Variants in KCND2 observed in about 807,000 individuals in gnomAD.
KCND2 encodes A-type voltage-gated potassium channel KCND2.
In KCND2, 16 loss-of-function variants were observed where a neutral mutation model predicts 54.4. The ratio of observed to expected loss-of-function variants is 0.29; its 90% CI spans 0.20 to 0.45. The LOEUF (loss-of-function observed/expected upper bound fraction) is 0.45. KCND2 is among the 20% of genes least tolerant of loss of function. The pLI, the probability that KCND2 is intolerant of heterozygous loss-of-function variation, is 1.00. For synonymous variants in KCND2, 317 were observed against 310.7 expected (o/e 1.02, Z -0.21); for missense variants, 486 against 824.2 (o/e 0.59, Z 5.02).
chr7:120,536,945 A>T (rs1431560180), intron 1 of KCND2, among the ~76,000 whole-genome samples: 4 of 152,120 alleles, frequency 2.6e-5, no homozygotes, highest in African/African-American at 9.7e-5. Flanking sequence ...CTTCTTTTAA[A>T]TTCCTGATAA....
chr7:120,384,495 A>G (rs909923704), intron 1 of KCND2, among the ~76,000 whole-genome samples: 4 of 152,154 alleles, frequency 2.6e-5, no homozygotes, highest in African/African-American at 9.6e-5. Flanking sequence ...ACCCCTGAAT[A>G]ATATGTTCTG....
intron 1 of KCND2, among the ~76,000 whole-genome samples, chr7:120,622,715 T>A (rs10247374): frequency 0.12 from 15,179 of 126,652 alleles, 841 homozygotes; most frequent in African/African-American, 0.13. Context: ...TCTCTCTCTC[T>A]CACACACACA....
chr7:120,741,768 T>C (rs1792944567), intron 3 of KCND2, 139 bp downstream of exon 3: 4 of 726,602 alleles, frequency 5.5e-6, no homozygotes, highest in South Asian at 3.0e-5. Flanking sequence ...TTTGTGTTTT[T>C]TTAATAACTT....
In KCND2 at chr7:120,723,056, A is replaced by G. The variant is rs923319281; in HGVS notation, c.1116-9847A>G. 4.6e-5 allele frequency among the ~76,000 whole-genome samples: 7 copies of G among 152,318 alleles called. No individual in the cohort carries two copies. The East Asian group carries it at 1.3e-3, about 29-fold the overall frequency. ...CCATGCACCGTGGGGAGTTTCATCCAACAGAGTTACCTTTCAAAGGCCAGG... is the reference window on the plus strand; with the variant it reads ...CCATGCACCGTGGGGAGTTTCATCCGACAGAGTTACCTTTCAAAGGCCAGG... On this transcript the variant is annotated intron_variant, in intron 1 of 5. Coordinates refer to ENST00000331113, the MANE Select transcript of KCND2 (RefSeq NM_012281.3).
intron 1 of KCND2, among the ~76,000 whole-genome samples, chr7:120,723,102 G>A (rs924226119): frequency 1.3e-5 from 2 of 152,128 alleles, no homozygotes; most frequent in Admixed American, 6.6e-5. Flanking sequence ...AGCAATGGCC[G>A]CAGGTAACTA....
At chr7:120,610,703 CTAAT>C (rs1307077592) in intron 1 of KCND2, among the ~76,000 whole-genome samples, 1 of 152,096 alleles carries the variant, frequency 6.6e-6, no homozygotes, top group Non-Finnish European at 1.5e-5. Flanking sequence ...CAAGCGGAAA[CTAAT>C]TAGCTGCAGA....
chr7:120,666,779 T>G (rs1186383467), intron 1 of KCND2, among the ~76,000 whole-genome samples: 1 of 151,932 alleles, frequency 6.6e-6, no homozygotes, highest in East Asian at 1.9e-4. Flanking sequence ...GATTTGCCTC[T>G]TTTTACTTGC....
intron 1 of KCND2, among the ~76,000 whole-genome samples, chr7:120,512,501 G>A (rs1803133021): frequency 1.3e-5 from 2 of 151,646 alleles, no homozygotes; most frequent in South Asian, 4.1e-4. Flanking sequence ...GGAAAAGGTA[G>A]CAATTATAGT....
intron 1 of KCND2, chr7:120,464,023 T>G (rs902354628): frequency 9.5e-5 from 93 of 981,078 alleles, no homozygotes; most frequent in Middle Eastern, 5.3e-4. Context: ...TTTTGTTTTT[T>G]TTTTTTTTTC....
intron 1 of KCND2, among the ~76,000 whole-genome samples, chr7:120,338,063 T>C (rs557700692): frequency 2.6e-5 from 4 of 152,268 alleles, no homozygotes; most frequent in East Asian, 1.9e-4. Flanking sequence ...CTTTAGAAAT[T>C]TGAGGAGTTA....
intron 1 of KCND2, among the ~76,000 whole-genome samples, chr7:120,328,193 A>G (rs1199865388): frequency 1.3e-5 from 2 of 152,150 alleles, no homozygotes; most frequent in African/African-American, 4.8e-5. Context: ...GCTTAGTTCC[A>G]TACAGAGCTC....
At chr7:120,410,767 A>G (rs890600638) in intron 1 of KCND2, among the ~76,000 whole-genome samples, 2 of 144,476 alleles carry the variant, frequency 1.4e-5, no homozygotes, top group African/African-American at 2.6e-5. Flanking sequence ...TCACTGTTCA[A>G]TTCCCACCTA....
At chr7:120,715,026 C>G (rs1792586204) in intron 1 of KCND2, among the ~76,000 whole-genome samples, 1 of 151,888 alleles carries the variant, frequency 6.6e-6, no homozygotes, top group East Asian at 1.9e-4. Context: ...CCACGTATAC[C>G]TCTCACTCAT....
At chr7:120,455,304 A>AACCAAAACAGCATGACACTGGT (rs1484981008) in intron 1 of KCND2, among the ~76,000 whole-genome samples, 12 of 152,214 alleles carry the variant, frequency 7.9e-5, no homozygotes, top group African/African-American at 2.4e-5. Context: ...AGGCTACAGT[A>AACCAAAACAGCATGACACTGGT]ACCAAAACAG....
intron 1 of KCND2, among the ~76,000 whole-genome samples, chr7:120,644,286 T>C (rs1259707506): frequency 5.3e-5 from 8 of 152,154 alleles, no homozygotes. Context: ...TCCTGGAAAA[T>C]GTTCTGGTCT....
chr7:120,724,996 G>A (rs1214797203), intron 1 of KCND2, among the ~76,000 whole-genome samples: 2 of 152,038 alleles, frequency 1.3e-5, no homozygotes, highest in Non-Finnish European at 2.9e-5. Context: ...TAGAATGTTA[G>A]GTCAAAATCA....
At chr7:120,327,145 A>G (rs551371813) in intron 1 of KCND2, among the ~76,000 whole-genome samples, 85 of 152,248 alleles carry the variant, frequency 5.6e-4, no homozygotes, top group African/African-American at 1.9e-3. Context: ...AAAAGATTTT[A>G]AACATGGACT....
chr7:120,591,438 G>C (rs1005026117), intron 1 of KCND2, among the ~76,000 whole-genome samples: 1 of 152,136 alleles, frequency 6.6e-6, no homozygotes, highest in African/African-American at 2.4e-5. Flanking sequence ...TATCCTCTCC[G>C]TGGCTAGAAG....
chr7:120,327,307 A>G (rs1027201140), intron 1 of KCND2, among the ~76,000 whole-genome samples: 1 of 152,104 alleles, frequency 6.6e-6, no homozygotes, highest in Non-Finnish European at 1.5e-5. Flanking sequence ...AGATGTGCCA[A>G]CATAAGTTTT....
Sources: allele counts gnomAD v4.1 joint callset (sites outside exome capture counted in the v4.1 genomes callset), GRCh38; gene constraint gnomAD v4.1.1; transcripts MANE v1.5; gene names NCBI Gene and HGNC (gene_info 2026-07-23, HGNC 2026-07-21).